The following MROH1 variants were observed in gnomAD, a reference collection of about 807,000 sequenced individuals.
MROH1 encodes maestro heat like repeat family member 1, also known as maestro heat-like repeat-containing protein family member 1.
A neutral mutation model predicts 116.5 loss-of-function variants in MROH1; 117 were observed. The ratio of observed to expected loss-of-function variants is 1.00; its 90% CI spans 0.86 to 1.17. The LOEUF is 1.17. MROH1 is among the 50% of genes most tolerant of loss of function. The pLI, the probability that MROH1 is intolerant of heterozygous loss-of-function variation, is 0.00. For missense variants in MROH1, 1,873 were observed against 1,338.5 expected, an observed-to-expected ratio of 1.40 and a Z score of -6.23; for synonymous variants, 921 against 583.9, an observed-to-expected ratio of 1.58 and a Z score of -8.32.
chr8:144,210,275 C>A (rs1228998741), intron 12 of MROH1, among the ~76,000 whole-genome samples: 1 of 152,028 alleles, frequency 6.6e-6, no homozygotes, highest in African/African-American at 2.4e-5. Flanking sequence ...CCTGTCTCTA[C>A]TAAAAATACA....
chr8:144,261,529 G>A (rs1019048672), intron 43 of MROH1, 126 bp from the exon 44 acceptor site: 3 of 688,322 alleles, frequency 4.4e-6, no homozygotes, highest in Non-Finnish European at 7.9e-6. Context: ...CACTAAAAAA[G>A]GAAAAACGAT....
rs1839621583 is a variant in MROH1 at position 144,234,498 on chromosome 8, G to GTTTTTGTTTTTTTTTTTTTTTTTT, written c.1339-4253_1339-4252insGTTTTTTTTTTTTTTTTTTTTTTT. On this transcript the variant is annotated intron_variant, in intron 14 of 43. Transcript: ENST00000326134. The stretch of plus-strand genomic sequence containing the variant: ...AATGGAATTATTTTCTTTCTTTTTC[G>GTTTTTGTTTTTTTTTTTTTTTTTT]TTTTTTTTTTTTTTTTTTTTTTTTT... Among the ~76,000 whole-genome samples, 20 of 18,090 alleles carry GTTTTTGTTTTTTTTTTTTTTTTTT rather than the reference G, an allele frequency of 1.1e-3. 2 individuals are homozygous for GTTTTTGTTTTTTTTTTTTTTTTTT. Among genetic ancestry groups the GTTTTTGTTTTTTTTTTTTTTTTTT allele is most frequent in the Non-Finnish European group, 1.6e-3 (13 of 8,124 alleles). 11.9% of individuals were successfully genotyped at this position (18,090 alleles called of 152,430 possible). A position where few individuals can be genotyped will look rare whatever the true frequency, so the allele number is the denominator to read the frequency against.
intron 22 of MROH1, among the ~76,000 whole-genome samples, chr8:144,241,989 C>T (rs1454633474): frequency 1.3e-5 from 2 of 152,222 alleles, no homozygotes; most frequent in African/African-American, 4.8e-5. Flanking sequence ...GCTTCCCAGC[C>T]CTTGCTGTGC....
chr8:144,190,934 A>C lies in MROH1; in HGVS notation c.713A>C (p.Lys238Thr), dbSNP rs762340690. Residue 238 changes from lysine to threonine, a missense_variant and splice_region_variant, in exon 8 of 44, where the codon AAG becomes ACG. Coordinates refer to ENST00000326134, the MANE Select transcript of MROH1 (RefSeq NM_032450.3). ...CAGTGGCTGCAGAGTCGAGAAGCCA[A>C]GGTATGCCCCGTGGCTGCATCAGTC... ...FHQWLQSREA[K>T]LRLAVVEALG... 3 of 1,612,800 alleles carry C rather than the reference A, an allele frequency of 1.9e-6. No individual in the cohort carries two copies. Among genetic ancestry groups the C allele is most frequent in the Non-Finnish European group, 2.5e-6 (3 of 1,179,654 alleles).
At position 144,248,299 on chromosome 8, in the gene MROH1, A is replaced by C. The variant is rs1842246488; in HGVS notation, c.3121-578A>C. Among the ~76,000 whole-genome samples, 3 of 152,080 alleles carry C rather than the reference A, an allele frequency of 2.0e-5. No homozygotes were observed. In the South Asian group the frequency reaches 6.2e-4, roughly 32 times the overall value. ...TTGAGTATTATTAAAGTATTGCATT[A>C]CGGGGGGGAAAAAAAGAGTCCTTCC... On this transcript the variant is annotated intron_variant, in intron 31 of 43. Coordinates refer to ENST00000326134, the MANE Select transcript of MROH1 (RefSeq NM_032450.3).
rs558491840 is a variant in MROH1, at chr8:144,185,489, G to C, written c.562+4966G>C. On this transcript the variant is annotated intron_variant, in intron 7 of 43. Transcript: ENST00000326134. ...CCAAGTGGTAAACAGGAGGTGAATA[G>C]ATGTGAGGACAGCGAGGGGTGGCGC... 4.7e-5 allele frequency among the ~76,000 whole-genome samples: 7 copies of C among 149,536 alleles called. No homozygotes were observed. In the East Asian group the frequency reaches 1.4e-3, roughly 30 times the overall value.
chr8:144,186,600 C>G (rs1327698556), intron 7 of MROH1, among the ~76,000 whole-genome samples: 1 of 152,212 alleles, frequency 6.6e-6, no homozygotes, highest in Non-Finnish European at 1.5e-5. Context: ...AAGCAGATTC[C>G]TATCACCTCA....
At chr8:144,218,107 T>A (rs910832075) in intron 12 of MROH1, among the ~76,000 whole-genome samples, 5 of 152,290 alleles carry the variant, frequency 3.3e-5, no homozygotes, top group Admixed American at 2.0e-4. Context: ...TCTTGCCCCA[T>A]GGCTTGGAAG....
chr8:144,225,231 G>T (rs958440749), intron 14 of MROH1, among the ~76,000 whole-genome samples: 1 of 151,998 alleles, frequency 6.6e-6, no homozygotes, highest in Middle Eastern at 3.2e-3. Context: ...TTTTCAAATT[G>T]GGTTGTTTTC....
chr8:144,259,102 G>C, intron 36 of MROH1, 138 bp from the exon 37 acceptor site: 1 of 682,022 alleles, frequency 1.5e-6, no homozygotes, highest in Non-Finnish European at 2.7e-6. Context: ...GGCAAGCTGG[G>C]AGGCATCTCT....
At chr8:144,246,065 CTCCTTCCTTTCCTTCCTT>C (rs1262040590) in intron 29 of MROH1, among the ~76,000 whole-genome samples, 1 of 125,644 alleles carries the variant, frequency 8.0e-6, no homozygotes, top group Non-Finnish European at 1.6e-5. Flanking sequence ...CCCTCCCTTC[CTCCTTCCTTTCCTTCCTT>C]TCCTTCCTTT....
intron 12 of MROH1, among the ~76,000 whole-genome samples, chr8:144,209,905 CAAAA>C (rs35823965): frequency 3.6e-5 from 4 of 109,824 alleles, no homozygotes; most frequent in African/African-American, 1.2e-4. Flanking sequence ...GACCCTGTCT[CAAAA>C]AAAAAAAAAA....
chr8:144,161,770 G>A (rs1249897729), intron 2 of MROH1, among the ~76,000 whole-genome samples: 2 of 152,192 alleles, frequency 1.3e-5, no homozygotes, highest in Admixed American at 6.5e-5. Context: ...GGTGCTGCAC[G>A]GTCGTGGACT....
chr8:144,253,774 C>T (rs954791353), intron 33 of MROH1, among the ~76,000 whole-genome samples: 17 of 152,102 alleles, frequency 1.1e-4, no homozygotes, highest in African/African-American at 4.1e-4. Flanking sequence ...CTGTTCTTTC[C>T]GTGGCTTAGT....
chr8:144,180,482 G>A lies in MROH1; in HGVS notation c.521G>A (p.Gly174Asp), dbSNP rs2131334450. 6.2e-7 allele frequency: 1 copy of A among 1,612,336 alleles called. No individual in the cohort carries two copies. The highest frequency in any genetic ancestry group is 1.6e-4 in the Middle Eastern group (1 of 6,062). The change falls in exon 7 of 44, where the codon GGC (glycine) becomes GAC (aspartate). Residue 174 changes from glycine (G) to aspartate (D), a missense_variant. Gly to Asp is a moderately conservative substitution (Grantham distance 94, BLOSUM62 -1). Coordinates refer to ENST00000326134, the MANE Select transcript of MROH1 (RefSeq NM_032450.3). This position sits in a 1 kb window ranked among gnomAD's most constrained non-coding sequence, Gnocchi z 7.4. ...CTGAGCTCCCTGCTGCCCGTGCTGG[G>A]CGTGGCCAAGCAGGACACGGTGCGC... is the stretch of plus-strand genomic sequence containing the variant. ...SVLSSLLPVL[G>D]VAKQDTVRVA...
chr8:144,259,770 G>C (rs1041738912), intron 37 of MROH1, 141 bp from the exon 38 acceptor site: 3 of 687,472 alleles, frequency 4.4e-6, no homozygotes, highest in Admixed American at 2.0e-5. Flanking sequence ...GGTCGCCACT[G>C]ATCGGAGACC....
chr8:144,235,190 C>G (rs1328631722), intron 14 of MROH1, among the ~76,000 whole-genome samples: 1 of 152,248 alleles, frequency 6.6e-6, no homozygotes, highest in East Asian at 1.9e-4. Context: ...GCCACTGTGC[C>G]TGGCCTACAA....
Position 144,260,786 on chromosome 8 carries a change from C to T in MROH1, c.4490C>T (p.Ala1497Val), listed in dbSNP as rs968273588. The T allele has an allele frequency of 6.4e-4, 501 of 778,214 alleles. 4 individuals carry two copies. The East Asian group carries it at 9.9e-3, about 15-fold the overall frequency. The allele number at this position is 778,214 out of a possible 1,614,324, so 48.2% of individuals were successfully genotyped here. ...CTGGACCAGGTGGTGGGCGGGCTGGCGCCCCTGCTGCTGCACCTGCAGGAC... is the reference window on the plus strand; with the variant it reads ...CTGGACCAGGTGGTGGGCGGGCTGGTGCCCCTGCTGCTGCACCTGCAGGAC... The part of the protein sequence containing the change: ...VFLDQVVGGL[A>V]PLLLHLQDPQ... The change falls in exon 40 of 44, where the codon GCG becomes GTG. Residue 1497 changes from alanine (A) to valine (V), a missense_variant. Coordinates refer to ENST00000326134, the MANE Select transcript of MROH1 (RefSeq NM_032450.3).
At chr8:144,184,478 G>A (rs780974093) in intron 7 of MROH1, among the ~76,000 whole-genome samples, 2 of 152,218 alleles carry the variant, frequency 1.3e-5, no homozygotes, top group African/African-American at 2.4e-5. Context: ...TGAGATACAG[G>A]ATAAAAATAG....
Sources: allele counts gnomAD v4.1 joint callset (sites outside exome capture counted in the v4.1 genomes callset), GRCh38; gene constraint gnomAD v4.1.1; non-coding constraint Gnocchi (gnomAD v3.1); transcripts MANE v1.5; gene names NCBI Gene and HGNC (gene_info 2026-07-23, HGNC 2026-07-21).